The following NRK variants were observed in gnomAD, a reference collection of about 807,000 sequenced individuals.
NRK encodes nik-related protein kinase.
Under a neutral mutation model 125.2 loss-of-function variants are expected in NRK, and 67 were observed. The ratio of observed to expected loss-of-function variants is 0.54; its 90% CI spans 0.44 to 0.66. The LOEUF is 0.66. NRK is among the 30% of genes least tolerant of loss of function. The probability of loss-of-function intolerance (pLI) is 0.00; values close to 1 mark genes in which losing one functional copy is unlikely to be tolerated. For synonymous variants in NRK, 458 were observed against 429.0 expected, an observed-to-expected ratio of 1.07 and a Z score of -0.84; for missense variants, 1,224 against 1,192.9, an observed-to-expected ratio of 1.03 and a Z score of -0.38.
intron 12 of NRK, 98 bp downstream of exon 12, chrX:105,908,401 T>G: frequency 2.1e-6 from 1 of 467,916 alleles, no homozygotes; most frequent in East Asian, 4.0e-5. Flanking sequence ...ACTTAATTCT[T>G]TCTGATACAA....
At chrX:105,906,323 A>G in intron 10 of NRK, 91 bp from the exon 11 acceptor site, 1 of 425,530 alleles carries the variant, frequency 2.4e-6, no homozygotes, top group East Asian at 4.0e-5. Context: ...CTCTCCAAAT[A>G]TGATTTTCAG....
In NRK at chrX:105,948,781, T is replaced by TA. The variant is rs774645719; in HGVS notation, c.4354-794_4354-793insA. 8.8e-6 allele frequency: 4 copies of TA among 455,213 alleles called. No homozygotes were observed. The South Asian group carries it at 1.0e-4, about 12-fold the overall frequency. 37.5% of individuals were successfully genotyped at this position (455,213 alleles called of 1,213,427 possible). On this transcript the variant is annotated intron_variant, in intron 26 of 28. Transcript: ENST00000243300. ...TTTGGCAAGTATAGTTTCTGACTTT[T>TA]TTTTTTTTTTAATGTGCTAGTTTGA...
chrX:105,857,499 C>A (rs2039545471), intron 2 of NRK, among the ~76,000 whole-genome samples: 1 of 111,844 alleles, frequency 8.9e-6, no homozygotes, highest in Non-Finnish European at 1.9e-5. Context: ...TAATAAAGAT[C>A]AGATTTTCCT....
At chrX:105,942,304 G>A (rs1370035622) in intron 23 of NRK, among the ~76,000 whole-genome samples, 5 of 111,320 alleles carry the variant, frequency 4.5e-5, no homozygotes, top group Admixed American at 9.5e-5. Context: ...GGATAGTATC[G>A]TTACACTGTT....
chrX:105,873,520 G>C (rs183152064), intron 2 of NRK, among the ~76,000 whole-genome samples: 1 of 111,577 alleles, frequency 9.0e-6, no homozygotes, highest in Non-Finnish European at 1.9e-5. Flanking sequence ...GCTCATCTCA[G>C]TGATGACTTC....
chrX:105,887,797 G>C (rs2039966499), intron 4 of NRK, among the ~76,000 whole-genome samples: 1 of 112,015 alleles, frequency 8.9e-6, no homozygotes, highest in African/African-American at 3.2e-5. Flanking sequence ...GTTGGGGTGT[G>C]TGTGTGGCAG....
intron 2 of NRK, among the ~76,000 whole-genome samples, chrX:105,857,279 C>G (rs2039542842): frequency 9.0e-6 from 1 of 111,518 alleles, no homozygotes; most frequent in African/African-American, 3.3e-5. Context: ...TGGTACAGAT[C>G]CATGTTCCAC....
intron 2 of NRK, among the ~76,000 whole-genome samples, chrX:105,841,028 T>C (rs973345128): frequency 2.7e-5 from 3 of 110,897 alleles, no homozygotes; most frequent in African/African-American, 6.5e-5. Context: ...AAACACTCTT[T>C]GGAAAATAGC....
intron 3 of NRK, 23 bp downstream of exon 3, chrX:105,880,278 T>A: frequency 1.2e-6 from 1 of 800,913 alleles, no homozygotes; most frequent in Non-Finnish European, 1.7e-6. Context: ...ATTGCCTGTA[T>A]TCTCTTCCCT....
At chrX:105,821,808 C>G (rs1477243288), upstream of NRK, among the ~76,000 whole-genome samples, 1 of 111,798 alleles carries the variant, frequency 8.9e-6, no homozygotes, top group Non-Finnish European at 1.9e-5. Flanking sequence ...CCCTGCGCAC[C>G]TGAGAACAGG....
intron 19 of NRK, among the ~76,000 whole-genome samples, chrX:105,926,886 T>G (rs768772319): frequency 3.6e-5 from 4 of 111,227 alleles, no homozygotes; most frequent in Non-Finnish European, 7.6e-5. Flanking sequence ...TGCTGTAGTT[T>G]TGTAGTATAT....
chrX:105,905,461 A>C (rs1407625961), intron 10 of NRK, 118 bp downstream of exon 10: 1 of 543,258 alleles, frequency 1.8e-6, no homozygotes, highest in Non-Finnish European at 3.1e-6. Flanking sequence ...AATATTTCCT[A>C]AAGTCTAATA....
At chrX:105,900,002 T>C (rs1019776350) in intron 8 of NRK, among the ~76,000 whole-genome samples, 15 of 110,109 alleles carry the variant, frequency 1.4e-4, no homozygotes, top group African/African-American at 5.0e-4. Flanking sequence ...AGTAAACCTG[T>C]TTAGGAGTCA....
At chrX:105,876,556 G>C (rs372606698) in intron 2 of NRK, among the ~76,000 whole-genome samples, 10 of 111,207 alleles carry the variant, frequency 9.0e-5, no homozygotes, top group African/African-American at 2.6e-4. Flanking sequence ...ATTTACTACT[G>C]TTCTTGTGAT....
chrX:105,939,786 T>C, intron 22 of NRK, 88 bp from the exon 23 acceptor site: 1 of 571,484 alleles, frequency 1.7e-6, no homozygotes, highest in South Asian at 4.6e-5. Context: ...AAGATATTTT[T>C]AAAAGGCAAA....
At chrX:105,942,710 C>G (rs1186687988) in intron 23 of NRK, among the ~76,000 whole-genome samples, 1 of 111,491 alleles carries the variant, frequency 9.0e-6, no homozygotes, top group Non-Finnish European at 1.9e-5. Flanking sequence ...CCTCCACCTC[C>G]CAGGTTCAAG....
At chrX:105,866,014 CAA>C (rs113129723) in intron 2 of NRK, among the ~76,000 whole-genome samples, 3 of 75,962 alleles carry the variant, frequency 3.9e-5, no homozygotes. Flanking sequence ...CAAAACAAAG[CAA>C]AAAAAAAAAA....
At chrX:105,908,669 T>C (rs2040250316) in intron 12 of NRK, 58 bp from the exon 13 acceptor site, 2 of 1,132,542 alleles carry the variant, frequency 1.8e-6, no homozygotes, top group Non-Finnish European at 2.3e-6. Context: ...TGCCCCTGAA[T>C]GGCTCCATTC....
intron 17 of NRK, among the ~76,000 whole-genome samples, chrX:105,922,517 A>T (rs2040465112): frequency 8.9e-6 from 1 of 112,163 alleles, no homozygotes; most frequent in Non-Finnish European, 1.9e-5. Flanking sequence ...GTTCTAATGC[A>T]GATTTTAAAT....
Sources: gnomAD v4.1 joint callset for allele counts (sites outside exome capture counted in the v4.1 genomes callset) on GRCh38, gnomAD v4.1.1 for gene constraint, MANE v1.5 for transcripts, NCBI Gene and HGNC (gene_info 2026-07-23, HGNC 2026-07-21) for gene names.